The following FILIP1 variants were observed in gnomAD, a reference collection of about 807,000 sequenced individuals.
FILIP1 encodes filamin-A-interacting protein 1.
In FILIP1, 61 loss-of-function variants were observed where a neutral mutation model predicts 102.1. The ratio of observed to expected loss-of-function variants is 0.60; its 90% CI spans 0.49 to 0.74. The LOEUF is 0.74. Among genes scored for constraint, FILIP1 ranks in the 30% least tolerant of loss-of-function variants. The pLI is 0.00. For synonymous variants in FILIP1, 491 were observed against 526.9 expected, an observed-to-expected ratio of 0.93 and a Z score of 0.93; for missense variants, 1,314 against 1,441.2, an observed-to-expected ratio of 0.91 and a Z score of 1.43.
At chr6:75,333,575 CAG>C (rs1774147281) in intron 4 of FILIP1, among the ~76,000 whole-genome samples, 1 of 152,126 alleles carries the variant, frequency 6.6e-6, no homozygotes, top group Non-Finnish European at 1.5e-5. Flanking sequence ...ACTTTAAACA[CAG>C]AGACAAAACA....
chr6:75,323,165 A>C (rs139071288), intron 4 of FILIP1, among the ~76,000 whole-genome samples: 1 of 152,262 alleles, frequency 6.6e-6, no homozygotes, highest in East Asian at 1.9e-4. Flanking sequence ...ACATTTAATT[A>C]AATAATGGCA....
At chr6:75,441,888 ACC>A (rs1216283775) in intron 1 of FILIP1, among the ~76,000 whole-genome samples, 1 of 109,712 alleles carries the variant, frequency 9.1e-6, no homozygotes, top group Non-Finnish European at 1.8e-5. Flanking sequence ...CGGGGGGTAG[ACC>A]CCCCCACCTC....
chr6:75,344,819 C>A (rs540836996), intron 4 of FILIP1, among the ~76,000 whole-genome samples: 5 of 152,198 alleles, frequency 3.3e-5, no homozygotes, highest in Admixed American at 6.5e-5. Context: ...CTGGTAATAT[C>A]CTGAAAACTT....
chr6:75,468,713 T>A (rs1331431827), intron 1 of FILIP1, among the ~76,000 whole-genome samples: 1 of 152,164 alleles, frequency 6.6e-6, no homozygotes, highest in African/African-American at 2.4e-5. Context: ...AACATATACA[T>A]TAGTTTAGTC....
chr6:75,449,865 A>C (rs199540025), intron 1 of FILIP1, among the ~76,000 whole-genome samples: 1 of 152,172 alleles, frequency 6.6e-6, no homozygotes, highest in East Asian at 1.9e-4. Flanking sequence ...ACCAGTTAGG[A>C]ACAATTACTT....
intron 1 of FILIP1, among the ~76,000 whole-genome samples, chr6:75,426,644 T>G (rs907789164): frequency 6.6e-6 from 1 of 152,050 alleles, no homozygotes; most frequent in Non-Finnish European, 1.5e-5. Flanking sequence ...ACAGCTACAC[T>G]TGAAGGACTC....
chr6:75,357,247 G>T (rs1257996862), intron 3 of FILIP1: 1 of 152,236 alleles, frequency 6.6e-6, no homozygotes. Context: ...GAATTCTGGA[G>T]AGGAAGGTGG....
intron 2 of FILIP1, among the ~76,000 whole-genome samples, chr6:75,411,642 T>C (rs977425888): frequency 2.8e-4 from 43 of 152,104 alleles, no homozygotes; most frequent in Non-Finnish European, 5.4e-4. Flanking sequence ...ATGGCTAGCC[T>C]GTTTTCCCAA....
intron 6 of FILIP1, among the ~76,000 whole-genome samples, chr6:75,300,277 T>A (rs1056326077): frequency 6.6e-6 from 1 of 152,208 alleles, no homozygotes; most frequent in Non-Finnish European, 1.5e-5. Flanking sequence ...CAGGAAGCTG[T>A]ACACCAAGTT....
chr6:75,336,307 T>C (rs567620292), intron 4 of FILIP1, among the ~76,000 whole-genome samples: 79 of 152,256 alleles, frequency 5.2e-4, no homozygotes, highest in Non-Finnish European at 6.5e-4. Context: ...AACTCAGCTG[T>C]ATAATAGGGA....
intron 2 of FILIP1, among the ~76,000 whole-genome samples, chr6:75,401,981 G>A (rs930480261): frequency 6.6e-6 from 1 of 152,098 alleles, no homozygotes; most frequent in African/African-American, 2.4e-5. Context: ...GAAAATGTAG[G>A]CTGCAGCCAT....
chr6:75,413,523 C>G (rs927574176), intron 2 of FILIP1, among the ~76,000 whole-genome samples: 2 of 152,040 alleles, frequency 1.3e-5, no homozygotes, highest in African/African-American at 4.8e-5. Context: ...TTTTTCTTTA[C>G]CCCAGGGATT....
chr6:75,424,775 A>G lies in FILIP1; in HGVS notation c.-6-9797T>C, dbSNP rs114386354. ...AGTTAACCTCCATGGGGTGAAAGAC[A>G]TGCTGTGATTTGGATGATATCATTG... On this transcript the variant is annotated intron_variant, in intron 1 of 5. Transcript: ENST00000237172. Among the ~76,000 whole-genome samples the G allele has an allele frequency of 8.1e-3, 1,234 of 152,286 alleles. 19 individuals are homozygous for G. The highest frequency in any genetic ancestry group is 0.028 in the African/African-American group (1,156 of 41,566).
intron 1 of FILIP1, among the ~76,000 whole-genome samples, chr6:75,475,290 G>A (rs983854552): frequency 7.2e-5 from 11 of 152,174 alleles, no homozygotes; most frequent in Non-Finnish European, 1.0e-4. Flanking sequence ...GGTAAAGATC[G>A]AAGATTTGCT....
At chr6:75,351,225 G>A (rs768431489) in intron 4 of FILIP1, among the ~76,000 whole-genome samples, 7 of 152,012 alleles carry the variant, frequency 4.6e-5, no homozygotes, top group Non-Finnish European at 8.8e-5. Context: ...CACCATGCCC[G>A]GCTAATTTTT....
chr6:75,370,708 C>T (rs2149624069), intron 2 of FILIP1, among the ~76,000 whole-genome samples: 1 of 151,666 alleles, frequency 6.6e-6, no homozygotes, highest in Middle Eastern at 3.4e-3. Flanking sequence ...TCCCCAGTAG[C>T]TGGGATTACA....
intron 4 of FILIP1, among the ~76,000 whole-genome samples, chr6:75,336,190 G>T (rs753225033): frequency 1.3e-5 from 2 of 152,168 alleles, no homozygotes; most frequent in Non-Finnish European, 2.9e-5. Context: ...CTGCACTAGT[G>T]CTGGGGGAAG....
intron 3 of FILIP1, among the ~76,000 whole-genome samples, chr6:75,356,534 T>C (rs1775006756): frequency 1.3e-5 from 2 of 151,934 alleles, no homozygotes; most frequent in African/African-American, 4.8e-5. Context: ...AATGGCACGA[T>C]CTTGGCTCAC....
intron 1 of FILIP1, among the ~76,000 whole-genome samples, chr6:75,434,403 A>T (rs1348241726): frequency 2.6e-5 from 4 of 152,180 alleles, no homozygotes; most frequent in Non-Finnish European, 5.9e-5. Context: ...GAGGTCCTTC[A>T]CATCCCTTGT....
Sources: allele counts gnomAD v4.1 joint callset (sites outside exome capture counted in the v4.1 genomes callset), GRCh38; gene constraint gnomAD v4.1.1; transcripts MANE v1.5; gene names NCBI Gene and HGNC (gene_info 2026-07-23, HGNC 2026-07-21).